REDIC1: variants seen among roughly 807,000 people sequenced by gnomAD.
REDIC1 encodes the protein HEI10 Interacting Protein 1.
chr12:39,712,260 A>ATATGTATATATACATGTATATATACCTG, the REDIC1 span, among the ~76,000 whole-genome samples: 168 of 137,318 alleles, frequency 1.2e-3, no homozygotes, highest in African/African-American at 4.0e-3. Context: ...ACATATATAC[A>ATATGTATATATACATGTATATATACCTG]TATGTATATA....
the REDIC1 span, among the ~76,000 whole-genome samples, chr12:39,666,703 G>C: frequency 0.014 from 2,059 of 152,008 alleles, 59 homozygotes; most frequent in African/African-American, 0.047. Context: ...TCCTGGACTT[G>C]TTTTGGTTGG....
the REDIC1 span, among the ~76,000 whole-genome samples, chr12:39,666,187 A>G: frequency 6.6e-6 from 1 of 152,122 alleles, no homozygotes; most frequent in Admixed American, 6.6e-5. Flanking sequence ...TTTCAGTATG[A>G]TATTGGCTGT....
At chr12:39,632,255 G>A in the REDIC1 span, among the ~76,000 whole-genome samples, 1 of 151,524 alleles carries the variant, frequency 6.6e-6, no homozygotes. Flanking sequence ...CGACCACCAC[G>A]CCTGGCTAAT....
the REDIC1 span, chr12:39,682,737 G>C: frequency 6.2e-7 from 1 of 1,613,356 alleles, no homozygotes; most frequent in South Asian, 1.1e-5. Flanking sequence ...ATATTTGGGG[G>C]AAAAATGGAA....
At chr12:39,653,558 T>TTTTTCTTCTTCTTCTTCTTTCTTCTTC in the REDIC1 span, among the ~76,000 whole-genome samples, 13 of 43,878 alleles carry the variant, frequency 3.0e-4, 1 homozygote, top group African/African-American at 8.2e-4. Flanking sequence ...CTTCTTCTTC[T>TTTTTCTTCTTCTTCTTCTTTCTTCTTC]TTCTTCTTCT....
chr12:39,763,988 A>G, the REDIC1 span, among the ~76,000 whole-genome samples: 1 of 152,134 alleles, frequency 6.6e-6, no homozygotes, highest in South Asian at 2.1e-4. Context: ...AGGTATGGCC[A>G]CAGCACAGCA....
chr12:39,831,573 G>A, the REDIC1 span, among the ~76,000 whole-genome samples: 3 of 152,070 alleles, frequency 2.0e-5, no homozygotes, highest in African/African-American at 7.2e-5. Flanking sequence ...TGGTGATAGG[G>A]TTTTTATGTT....
chr12:39,782,386 G>T, the REDIC1 span, among the ~76,000 whole-genome samples: 2 of 152,120 alleles, frequency 1.3e-5, no homozygotes, highest in Admixed American at 1.3e-4. Context: ...GTGAGTAAGT[G>T]TCACGAAATC....
the REDIC1 span, among the ~76,000 whole-genome samples, chr12:39,787,807 G>A: frequency 2.0e-5 from 3 of 152,014 alleles, no homozygotes; most frequent in Non-Finnish European, 4.4e-5. Context: ...TAATTTTCTC[G>A]TTATCTAAAA....
the REDIC1 span, among the ~76,000 whole-genome samples, chr12:39,751,240 G>A: frequency 5.3e-5 from 8 of 151,224 alleles, no homozygotes; most frequent in Non-Finnish European, 8.9e-5. Context: ...CATCAAAAAG[G>A]ATATGAACAG....
chr12:39,766,761 A>G, the REDIC1 span, among the ~76,000 whole-genome samples: 50 of 152,224 alleles, frequency 3.3e-4, no homozygotes, highest in Non-Finnish European at 4.6e-4. Flanking sequence ...AGTAGATTCC[A>G]TCTCAGAAAC....
At chr12:39,772,190 A>G in the REDIC1 span, among the ~76,000 whole-genome samples, 1 of 152,180 alleles carries the variant, frequency 6.6e-6, no homozygotes, top group Non-Finnish European at 1.5e-5. Context: ...ACAAGGGTCA[A>G]GAGCACAGGG....
the REDIC1 span, among the ~76,000 whole-genome samples, chr12:39,726,773 CCCA>C: frequency 1.3e-5 from 2 of 152,318 alleles, no homozygotes; most frequent in South Asian, 2.1e-4. Context: ...AATTTACACT[CCCA>C]CCAACAGTGT....
At chr12:39,712,915 A>G in the REDIC1 span, among the ~76,000 whole-genome samples, 4 of 147,788 alleles carry the variant, frequency 2.7e-5, no homozygotes, top group East Asian at 2.0e-4. Context: ...ATACGTATAT[A>G]CATATGTGCA....
At chr12:39,884,998 T>A in the REDIC1 span, among the ~76,000 whole-genome samples, 1 of 152,226 alleles carries the variant, frequency 6.6e-6, no homozygotes, top group Non-Finnish European at 1.5e-5. Flanking sequence ...AAAACCATAG[T>A]GGCAGAGACA....
At chr12:39,838,587 C>G in the REDIC1 span, among the ~76,000 whole-genome samples, 2 of 150,148 alleles carry the variant, frequency 1.3e-5, no homozygotes, top group Non-Finnish European at 3.0e-5. Context: ...TAGAACAAAA[C>G]TGGCTCTAAA....
chr12:39,673,114 G>A, the REDIC1 span, among the ~76,000 whole-genome samples: 1 of 151,968 alleles, frequency 6.6e-6, no homozygotes, highest in African/African-American at 2.4e-5. Flanking sequence ...TGCTATTGTA[G>A]GGAGGCTAGG....
chr12:39,818,912 C>T, the REDIC1 span, among the ~76,000 whole-genome samples: 3 of 152,136 alleles, frequency 2.0e-5, no homozygotes, highest in South Asian at 4.1e-4. Flanking sequence ...AGCAGAATTC[C>T]GATTGCCTGT....
At chr12:39,866,569 C>T in the REDIC1 span, among the ~76,000 whole-genome samples, 1 of 152,086 alleles carries the variant, frequency 6.6e-6, no homozygotes, top group Admixed American at 6.5e-5. Context: ...GGCTCCGCCC[C>T]CCGGGGTTCA....
Sources: gnomAD v4.1 joint callset for allele counts (sites outside exome capture counted in the v4.1 genomes callset) on GRCh38, gnomAD v4.1.1 for gene constraint, MANE v1.5 for transcripts, NCBI Gene and HGNC (gene_info 2026-07-23, HGNC 2026-07-21) for gene names.